Variants in KLHL22 observed in about 807,000 individuals in gnomAD.
KLHL22 encodes kelch like family member 22.
KLHL22 carries 18 observed loss-of-function variants against 60.7 expected under a neutral mutation model. The observed-to-expected ratio is 0.30, with a 90% CI of 0.20 to 0.44. The LOEUF (loss-of-function observed/expected upper bound fraction) is 0.44, where lower values mean the gene tolerates loss of function less well. Ranked by LOEUF, KLHL22 falls within the 20% of genes least tolerant of loss-of-function variation. The probability of loss-of-function intolerance (pLI) is 1.00; values close to 1 mark genes in which losing one functional copy is unlikely to be tolerated. For missense variants in KLHL22, 596 were observed against 852.3 expected, an observed-to-expected ratio of 0.70 and a Z score of 3.74; for synonymous variants, 355 against 354.5, an observed-to-expected ratio of 1.00 and a Z score of -0.01.
intron 5 of KLHL22, among the ~76,000 whole-genome samples, chr22:20,448,831 G>A (rs1450964546): frequency 6.6e-6 from 1 of 152,072 alleles, no homozygotes; most frequent in Admixed American, 6.6e-5. Flanking sequence ...ATTCCTATCA[G>A]CAATCCATGA....
At position 20,465,382 on chromosome 22, in the gene KLHL22, G is replaced by A; in HGVS notation, c.588C>T (p.Val196=). Residue 196 remains valine, a synonymous_variant, in exon 4 of 7, where the codon GTC becomes GTT. Coordinates refer to ENST00000328879, the MANE Select transcript of KLHL22 (RefSeq NM_032775.4). The surrounding 1 kb of genome is among the most constrained non-coding windows in gnomAD (Gnocchi z 4.9). ...DKYRQLPLEK[V]YSLLSSNRLE... is the part of the protein sequence containing the mutation. The stretch of plus-strand genomic sequence containing the variant: ...GGCGATTGCTGCTGAGGAGGGAGTA[G>A]ACCTTCTCCAATGGAAGCTGGCGGT... 1 of 1,614,172 alleles carries A rather than the reference G, an allele frequency of 6.2e-7. No individual in the cohort carries two copies. Among genetic ancestry groups the A allele is most frequent in the South Asian group, 1.1e-5 (1 of 91,088 alleles).
At chr22:20,480,955 C>T (rs1234326029) in intron 2 of KLHL22, among the ~76,000 whole-genome samples, 2 of 151,464 alleles carry the variant, frequency 1.3e-5, no homozygotes, top group African/African-American at 4.9e-5. Flanking sequence ...CCTCAACCTC[C>T]CGAGTAGCTG....
In KLHL22 at chr22:20,457,910, G is replaced by A; in HGVS notation, c.1203C>T (p.Ile401=). The A allele has an allele frequency of 6.2e-7, 1 of 1,614,090 alleles. No individual in the cohort carries two copies. The highest frequency in any genetic ancestry group is 8.5e-7 in the Non-Finnish European group (1 of 1,180,006). The change falls in exon 5 of 7, where the codon ATC becomes ATT. Residue 401 remains isoleucine, a synonymous_variant. Transcript: ENST00000328879. ...GGTAGTCACGGCCCGCCACAGCGTA[G>A]ATGTACCTGCCTACAACACACACGG... is the stretch of plus-strand genomic sequence containing the variant. ...DLSVCVVGRY[I]YAVAGRDYHN...
chr22:20,474,987 C>T (rs973148453), intron 2 of KLHL22, among the ~76,000 whole-genome samples: 2 of 152,206 alleles, frequency 1.3e-5, no homozygotes, highest in Non-Finnish European at 2.9e-5. Context: ...AAGGGAAAAA[C>T]CTTATCACAT....
intron 5 of KLHL22, chr22:20,451,297 A>C: frequency 6.2e-7 from 1 of 1,607,704 alleles, no homozygotes; most frequent in South Asian, 1.1e-5. Flanking sequence ...CAGGCGTCAC[A>C]CCAGTATGGA....
chr22:20,448,848 T>C (rs1449528302), intron 5 of KLHL22, among the ~76,000 whole-genome samples: 1 of 152,164 alleles, frequency 6.6e-6, no homozygotes, highest in Non-Finnish European at 1.5e-5. Flanking sequence ...ATGAGCATAG[T>C]TTCCCTGCAC....
intron 2 of KLHL22, chr22:20,483,486 C>A: frequency 1.4e-6 from 1 of 739,484 alleles, no homozygotes. Flanking sequence ...GCAGCTCCTC[C>A]TTGAGAGCTT....
At chr22:20,467,170 G>C (rs1403883281) in intron 3 of KLHL22, among the ~76,000 whole-genome samples, 2 of 152,172 alleles carry the variant, frequency 1.3e-5, no homozygotes, top group African/African-American at 4.8e-5. Context: ...CTGTGACCCA[G>C]ACAGCTGCAG....
Position 20,442,370 on chromosome 22 carries a change from C to T in KLHL22, c.1608G>A (p.Glu536=). ...SVCPLPAGHG[E]PGIAVLDNRI... The stretch of plus-strand genomic sequence containing the variant: ...TGTTGTCCAGCACAGCAATGCCAGG[C>T]TCACCGTGCCCAGCAGGGAGTGGGC... The change falls in exon 7 of 7, where the codon GAG becomes GAA. Residue 536 remains glutamate (E), a synonymous_variant. Coordinates refer to ENST00000328879, the MANE Select transcript of KLHL22 (RefSeq NM_032775.4). 4 of 1,613,630 alleles carry T rather than the reference C, an allele frequency of 2.5e-6. No homozygotes were observed. Among genetic ancestry groups the T allele is most frequent in the East Asian group, 4.5e-5 (2 of 44,882 alleles).
Position 20,493,493 on chromosome 22 carries a change from G to A in KLHL22, c.-34+2267C>T, listed in dbSNP as rs559231066. On this transcript the variant is annotated intron_variant, in intron 1 of 6. Transcript: ENST00000328879. ...GAACATTAGGCAACAGTCAAAATGC[G>A]CAAAGTGGCCGGGCGCAGTGGCTCA... Among the ~76,000 whole-genome samples, 3 of 152,312 alleles carry A rather than the reference G, an allele frequency of 2.0e-5. No individual in the cohort carries two copies. The East Asian group carries it at 5.8e-4, about 29-fold the overall frequency.
intron 5 of KLHL22, among the ~76,000 whole-genome samples, chr22:20,447,268 C>G (rs1225670399): frequency 1.3e-5 from 2 of 152,204 alleles, no homozygotes; most frequent in African/African-American, 2.4e-5. Flanking sequence ...CACCTCTTAC[C>G]CTGGCCCTAC....
At chr22:20,477,378 C>A (rs1036338850) in intron 2 of KLHL22, among the ~76,000 whole-genome samples, 1 of 151,388 alleles carries the variant, frequency 6.6e-6, no homozygotes, top group Non-Finnish European at 1.5e-5. Context: ...CAACACTGTG[C>A]CTCAAAAGAA....
At chr22:20,447,851 T>G (rs1353085107) in intron 5 of KLHL22, among the ~76,000 whole-genome samples, 2 of 152,228 alleles carry the variant, frequency 1.3e-5, no homozygotes, top group African/African-American at 4.8e-5. Flanking sequence ...GAGGTTTTTC[T>G]TTTTAATTAA....
At chr22:20,473,112 GAACT>G (rs1322255440) in intron 2 of KLHL22, among the ~76,000 whole-genome samples, 2 of 152,224 alleles carry the variant, frequency 1.3e-5, no homozygotes, top group Non-Finnish European at 2.9e-5. Flanking sequence ...AGAGTGATGT[GAACT>G]GACTGGCTTT....
rs537208562 is a variant in KLHL22, at chr22:20,464,962, G to A, written c.1008C>T (p.Ala336=). The change falls in exon 4 of 7, where the codon GCC becomes GCT. Residue 336 remains alanine (A), a synonymous_variant. Transcript: ENST00000328879. ...CGATGCCCTGGTTGGACATGCGGGG[G>A]GCCAGGGAGGCAGTGAAGTGCTTCC... The part of the protein sequence containing the change: ...GEWKHFTASL[A]PRMSNQGIAV... The A allele has an allele frequency of 1.9e-5, 31 of 1,608,662 alleles. No homozygotes were observed. In the East Asian group the frequency reaches 5.8e-4, roughly 30 times the overall value.
intron 1 of KLHL22, among the ~76,000 whole-genome samples, chr22:20,494,908 C>T (rs1166795776): frequency 1.3e-5 from 2 of 152,220 alleles, no homozygotes; most frequent in Admixed American, 1.3e-4. Context: ...TGTAGGGCCC[C>T]CGAACGAGCA....
intron 1 of KLHL22, among the ~76,000 whole-genome samples, chr22:20,494,074 G>GCCCCC (rs35792870): frequency 2.2e-4 from 27 of 122,342 alleles, no homozygotes; most frequent in Non-Finnish European, 4.2e-4. Context: ...GCCAGACTTT[G>GCCCCC]CCCCCCCCCC....
At chr22:20,475,564 A>AT (rs947408103) in intron 2 of KLHL22, among the ~76,000 whole-genome samples, 272 of 141,358 alleles carry the variant, frequency 1.9e-3, no homozygotes, top group Admixed American at 2.4e-3. Flanking sequence ...CCTTCCTCTA[A>AT]TTTTTTTTTT....
At chr22:20,484,731 CTTTT>C (rs10712145) in intron 2 of KLHL22, among the ~76,000 whole-genome samples, 7 of 137,840 alleles carry the variant, frequency 5.1e-5, no homozygotes, top group African/African-American at 8.1e-5. Flanking sequence ...TGTGCTCAGC[CTTTT>C]TTTTTTTTTT....
Sources: allele counts gnomAD v4.1 joint callset (sites outside exome capture counted in the v4.1 genomes callset), GRCh38; gene constraint gnomAD v4.1.1; non-coding constraint Gnocchi (gnomAD v3.1); transcripts MANE v1.5; gene names NCBI Gene and HGNC (gene_info 2026-07-23, HGNC 2026-07-21).